ZC3H12B: variants seen among roughly 807,000 people sequenced by gnomAD.
The protein encoded by ZC3H12B is zinc finger CCCH-type containing 12B.
Under a neutral mutation model 43.9 loss-of-function variants are expected in ZC3H12B, and 7 were observed. The observed-to-expected ratio is 0.16, with a 90% CI of 0.09 to 0.30. ZC3H12B has a LOEUF of 0.30. ZC3H12B is among the 10% of genes least tolerant of loss of function. The pLI, the probability that ZC3H12B is intolerant of heterozygous loss-of-function variation, is 1.00. For missense variants in ZC3H12B, 475 were observed against 670.2 expected, an observed-to-expected ratio of 0.71 and a Z score of 3.22; for synonymous variants, 222 against 241.7, an observed-to-expected ratio of 0.92 and a Z score of 0.76.
At chrX:65,441,973 C>CT (rs1320144138) in intron 3 of ZC3H12B, among the ~76,000 whole-genome samples, 1 of 107,954 alleles carries the variant, frequency 9.3e-6, no homozygotes, top group Non-Finnish European at 1.9e-5. Flanking sequence ...CAGTGTTTTC[C>CT]TTTTTTACAT....
chrX:65,231,716 A>G, the ZC3H12B span, among the ~76,000 whole-genome samples: 123 of 111,429 alleles, frequency 1.1e-3, no homozygotes, highest in African/African-American at 3.8e-3. Context: ...GCAGGCAGTC[A>G]GACCTTATGG....
chrX:65,233,188 A>C, the ZC3H12B span, among the ~76,000 whole-genome samples: 1 of 111,931 alleles, frequency 8.9e-6, no homozygotes, highest in African/African-American at 3.2e-5. Context: ...TGGATAGATC[A>C]TGTAGACAAA....
chrX:65,090,927 T>TC, the ZC3H12B span, among the ~76,000 whole-genome samples: 1 of 110,708 alleles, frequency 9.0e-6, no homozygotes, highest in Non-Finnish European at 1.9e-5. Context: ...GTGTATGGCA[T>TC]CCCCCTGCGT....
At chrX:65,044,351 G>A in the ZC3H12B span, among the ~76,000 whole-genome samples, 2 of 111,378 alleles carry the variant, frequency 1.8e-5, no homozygotes, top group African/African-American at 6.5e-5. Context: ...TATCCAGAAT[G>A]TAGAGAGTGA....
chrX:65,163,943 G>A, the ZC3H12B span, among the ~76,000 whole-genome samples: 2 of 111,828 alleles, frequency 1.8e-5, no homozygotes, highest in Admixed American at 9.5e-5. Flanking sequence ...GAGTTTTAAT[G>A]TAAGCAAATA....
chrX:65,053,575 C>T, the ZC3H12B span, among the ~76,000 whole-genome samples: 1 of 111,746 alleles, frequency 8.9e-6, no homozygotes, highest in Admixed American at 9.5e-5. Flanking sequence ...CATACATGTG[C>T]ATGTGTCTTT....
At chrX:65,132,567 G>A in the ZC3H12B span, among the ~76,000 whole-genome samples, 1 of 110,700 alleles carries the variant, frequency 9.0e-6, no homozygotes, top group African/African-American at 3.3e-5. Context: ...AATGAGGTGT[G>A]GCTGTAGCCT....
At chrX:65,291,011 C>G in the ZC3H12B span, among the ~76,000 whole-genome samples, 1 of 111,294 alleles carries the variant, frequency 9.0e-6, no homozygotes, top group Non-Finnish European at 1.9e-5. Context: ...GTGACTTGAT[C>G]ACTATGCCTT....
the ZC3H12B span, among the ~76,000 whole-genome samples, chrX:65,139,413 A>G: frequency 9.0e-6 from 1 of 110,502 alleles, no homozygotes; most frequent in Non-Finnish European, 1.9e-5. Context: ...GTGTGGATTT[A>G]TTTCTAGTCT....
chrX:65,161,682 A>G, the ZC3H12B span, among the ~76,000 whole-genome samples: 183 of 111,864 alleles, frequency 1.6e-3, 1 homozygote, highest in Non-Finnish European at 2.9e-3. Flanking sequence ...CGTTTCCTGA[A>G]TACAGCACAC....
At chrX:65,402,963 C>G (rs1459457909) in intron 3 of ZC3H12B, among the ~76,000 whole-genome samples, 1 of 112,131 alleles carries the variant, frequency 8.9e-6, no homozygotes, top group Non-Finnish European at 1.9e-5. Flanking sequence ...AAAGCATAAC[C>G]TCACCAAATG....
At chrX:65,152,622 G>T in the ZC3H12B span, among the ~76,000 whole-genome samples, 1 of 111,380 alleles carries the variant, frequency 9.0e-6, no homozygotes, top group Non-Finnish European at 1.9e-5. Flanking sequence ...ATGCTCATGG[G>T]TAGGAAGAAT....
At chrX:65,364,409 C>CAAA (rs796078421), upstream of ZC3H12B, among the ~76,000 whole-genome samples, 3 of 55,817 alleles carry the variant, frequency 5.4e-5, no homozygotes, top group Non-Finnish European at 6.9e-5. Context: ...GCTTTACTTC[C>CAAA]AAAAAAAAAA....
At chrX:65,277,645 A>T in the ZC3H12B span, among the ~76,000 whole-genome samples, 1 of 111,989 alleles carries the variant, frequency 8.9e-6, no homozygotes, top group African/African-American at 3.2e-5. Flanking sequence ...ATTAACAAAT[A>T]TAAAAATTTT....
chrX:65,161,563 T>G, the ZC3H12B span, among the ~76,000 whole-genome samples: 2 of 111,812 alleles, frequency 1.8e-5, no homozygotes, highest in Admixed American at 1.9e-4. Context: ...AAGTCTGTTT[T>G]ATCAGAGACT....
chrX:65,498,903 C>A, intron 2 of ZC3H12B, 96 bp from the exon 8 acceptor site: 1 of 655,297 alleles, frequency 1.5e-6, no homozygotes, highest in Non-Finnish European at 2.4e-6. Context: ...ATAATATCTT[C>A]ATCCAGTACC....
chrX:65,318,491 C>T, the ZC3H12B span, among the ~76,000 whole-genome samples: 2 of 108,242 alleles, frequency 1.8e-5, no homozygotes, highest in African/African-American at 6.8e-5. Flanking sequence ...CTCAGCTCAG[C>T]CCACTGCAAC....
the ZC3H12B span, among the ~76,000 whole-genome samples, chrX:65,202,101 T>TACATATAATATATGTAATATATATA: frequency 3.6e-4 from 32 of 88,799 alleles, no homozygotes; most frequent in African/African-American, 1.3e-3. Flanking sequence ...ATATATATAT[T>TACATATAATATATGTAATATATATA]TTATATAATA....
At chrX:65,069,294 C>T in the ZC3H12B span, among the ~76,000 whole-genome samples, 3 of 104,894 alleles carry the variant, frequency 2.9e-5, no homozygotes, top group African/African-American at 7.0e-5. Flanking sequence ...TTCTAGATCT[C>T]GTAGGCGTGC....
Sources: allele counts gnomAD v4.1 joint callset (sites outside exome capture counted in the v4.1 genomes callset), GRCh38; gene constraint gnomAD v4.1.1; transcripts MANE v1.5; gene names NCBI Gene and HGNC (gene_info 2026-07-23, HGNC 2026-07-21).